NRG3: variants seen among roughly 807,000 people sequenced by gnomAD.
NRG3 encodes neuregulin 3.
NRG3 carries 31 observed loss-of-function variants against 66.9 expected under a neutral mutation model. The observed-to-expected ratio is 0.46, with a 90% confidence interval of 0.35 to 0.63. The LOEUF (loss-of-function observed/expected upper bound fraction) is 0.63, where lower values mean the gene tolerates loss of function less well. Among genes scored for constraint, NRG3 ranks in the 20% least tolerant of loss-of-function variants. The pLI is 0.00. For synonymous variants in NRG3, 393 were observed against 359.4 expected (o/e 1.09, Z -1.06); for missense variants, 910 against 878.9 (o/e 1.04, Z -0.45).
intron 2 of NRG3, among the ~76,000 whole-genome samples, chr10:82,643,341 CTT>C (rs1391248779): frequency 1.3e-5 from 2 of 152,104 alleles, no homozygotes. Context: ...CTCTCTCTCT[CTT>C]TGCCTGCCAC....
At chr10:82,769,901 G>A (rs1326629543) in intron 3 of NRG3, among the ~76,000 whole-genome samples, 2 of 152,076 alleles carry the variant, frequency 1.3e-5, no homozygotes, top group Non-Finnish European at 2.9e-5. Flanking sequence ...TGCTTTGCTT[G>A]ATATTAATAA....
chr10:82,780,503 A>G (rs976932341), intron 3 of NRG3, among the ~76,000 whole-genome samples: 12 of 134,756 alleles, frequency 8.9e-5, no homozygotes, highest in African/African-American at 3.1e-4. Context: ...TTTTTGGTCA[A>G]TCAAGTTGTG....
Position 81,903,996 on chromosome 10 carries a change from A to ATTTT in NRG3, c.823+27842_823+27845dup, listed in dbSNP as rs555278247. Among the ~76,000 whole-genome samples, 9 of 91,982 alleles carry ATTTT rather than the reference A, an allele frequency of 9.8e-5. No individual in the cohort carries two copies. The South Asian group carries it at 1.7e-3, about 18-fold the overall frequency. 60.3% of individuals were successfully genotyped at this position (91,982 alleles called of 152,430 possible). A position where few individuals can be genotyped will look rare whatever the true frequency, so the allele number is the denominator to read the frequency against. On this transcript the variant is annotated intron_variant, in intron 1 of 8. Transcript: ENST00000372141. The stretch of plus-strand genomic sequence containing the variant: ...TGTGTATATATATATATATATATAT[A>ATTTT]TTTTTTTTTTTTGTTTGTTTGTTTG...
intron 1 of NRG3, among the ~76,000 whole-genome samples, chr10:82,321,058 G>A (rs915650403): frequency 3.9e-5 from 6 of 152,212 alleles, no homozygotes; most frequent in African/African-American, 1.4e-4. Flanking sequence ...GGTACCAAGA[G>A]GTCACTGAGC....
chr10:82,360,962 A>G (rs1331112245), intron 2 of NRG3, among the ~76,000 whole-genome samples: 1 of 152,088 alleles, frequency 6.6e-6, no homozygotes, highest in Non-Finnish European at 1.5e-5. Context: ...GCCATATTAG[A>G]TTAGATCACA....
intron 4 of NRG3, among the ~76,000 whole-genome samples, chr10:82,950,712 G>A (rs1448783498): frequency 6.6e-6 from 1 of 152,212 alleles, no homozygotes; most frequent in African/African-American, 2.4e-5. Context: ...AATTAACAGA[G>A]AAACTGCTGG....
intron 3 of NRG3, among the ~76,000 whole-genome samples, chr10:82,794,711 C>T (rs1404728262): frequency 1.3e-5 from 2 of 152,146 alleles, no homozygotes; most frequent in Middle Eastern, 3.4e-3. Flanking sequence ...TTCCAATTGT[C>T]ACAAAATTCA....
At chr10:82,830,858 C>G (rs2062483562) in intron 3 of NRG3, among the ~76,000 whole-genome samples, 1 of 152,048 alleles carries the variant, frequency 6.6e-6, no homozygotes, top group South Asian at 2.1e-4. Flanking sequence ...AGGAGTTGAA[C>G]AAGACCATCA....
chr10:82,631,507 A>G lies in NRG3; in HGVS notation c.954-107070A>G, dbSNP rs1039073958. Among the ~76,000 whole-genome samples the G allele has an allele frequency of 7.2e-5, 11 of 152,136 alleles. 1 individual carries two copies. Among genetic ancestry groups the G allele is most frequent in the South Asian group, 4.2e-4 (2 of 4,818 alleles). On this transcript the variant is annotated intron_variant, in intron 2 of 8. Transcript: ENST00000372141. ...TAAAATTTACTAAGTCTTTCAGGCA[A>G]TGTTTAAAATTTGTGCCTACAGTTT...
intron 4 of NRG3, among the ~76,000 whole-genome samples, chr10:82,905,291 G>A (rs756564261): frequency 3.9e-5 from 6 of 151,956 alleles, no homozygotes; most frequent in Non-Finnish European, 8.8e-5. Flanking sequence ...GTTTCTCTCC[G>A]ATTGTCTTAA....
chr10:82,530,931 G>A (rs897914899), intron 2 of NRG3, among the ~76,000 whole-genome samples: 4 of 151,744 alleles, frequency 2.6e-5, no homozygotes, highest in Non-Finnish European at 5.9e-5. Flanking sequence ...ATGATAAAAG[G>A]CAATTTATTT....
chr10:81,895,912 T>G (rs1843484320), intron 1 of NRG3, among the ~76,000 whole-genome samples: 1 of 152,176 alleles, frequency 6.6e-6, no homozygotes, highest in Admixed American at 6.5e-5. Flanking sequence ...GAGGAGTGTT[T>G]AGATATGTGG....
intron 2 of NRG3, among the ~76,000 whole-genome samples, chr10:82,421,031 G>A (rs761889290): frequency 2.6e-5 from 4 of 152,074 alleles, no homozygotes; most frequent in African/African-American, 9.7e-5. Context: ...TTTCTTTATG[G>A]TGCTGGGATC....
chr10:81,911,605 T>G (rs926345943), intron 1 of NRG3, among the ~76,000 whole-genome samples: 5,023 of 120,302 alleles, frequency 0.042, 423 homozygotes, highest in African/African-American at 0.18. Flanking sequence ...ACAGACTTGT[T>G]TTTTTTTTTT....
chr10:81,936,711 A>C (rs1564672284), intron 1 of NRG3, among the ~76,000 whole-genome samples: 2 of 152,124 alleles, frequency 1.3e-5, no homozygotes, highest in Non-Finnish European at 2.9e-5. Context: ...TGCTATAGTC[A>C]GGGTATGGGC....
intron 1 of NRG3, among the ~76,000 whole-genome samples, chr10:81,983,593 C>A (rs1004887658): frequency 1.3e-5 from 2 of 152,098 alleles, no homozygotes; most frequent in African/African-American, 4.8e-5. Flanking sequence ...GTAATTACTA[C>A]CTACTGTGTT....
intron 2 of NRG3, among the ~76,000 whole-genome samples, chr10:82,720,299 A>G (rs1047316486): frequency 6.6e-6 from 1 of 152,060 alleles, no homozygotes; most frequent in African/African-American, 2.4e-5. Flanking sequence ...CTGAGGCAGG[A>G]GAATCCCTTG....
At chr10:82,835,191 G>T (rs1591667092) in intron 3 of NRG3, among the ~76,000 whole-genome samples, 1 of 152,056 alleles carries the variant, frequency 6.6e-6, no homozygotes, top group Admixed American at 6.6e-5. Flanking sequence ...CTGATAAAAG[G>T]TTGTGTGAAA....
At chr10:82,853,296 A>C (rs963851845) in intron 3 of NRG3, among the ~76,000 whole-genome samples, 5 of 152,056 alleles carry the variant, frequency 3.3e-5, no homozygotes, top group African/African-American at 1.2e-4. Flanking sequence ...GTTTCATATG[A>C]ATTTTAGGAT....
Sources: gnomAD v4.1 joint callset for allele counts (sites outside exome capture counted in the v4.1 genomes callset) on GRCh38, gnomAD v4.1.1 for gene constraint, MANE v1.5 for transcripts, NCBI Gene and HGNC (gene_info 2026-07-23, HGNC 2026-07-21) for gene names.